The following GRID2 variants were observed in gnomAD, a reference collection of about 807,000 sequenced individuals.
GRID2 encodes the protein glutamate ionotropic receptor delta type subunit 2, also known as glutamate receptor ionotropic, delta-2.
A neutral mutation model predicts 114.8 loss-of-function variants in GRID2; 33 were observed. The ratio of observed to expected loss-of-function variants is 0.29; its 90% CI spans 0.22 to 0.38. The LOEUF is 0.38. Ranked by LOEUF, GRID2 falls within the 10% of genes least tolerant of loss-of-function variation. GRID2 has a pLI of 1.00. For synonymous variants in GRID2, 505 were observed against 449.9 expected (o/e 1.12, Z -1.55); for missense variants, 1,184 against 1,257.7 (o/e 0.94, Z 0.89).
chr4:93,262,631 G>A (rs1418584692), intron 8 of GRID2, among the ~76,000 whole-genome samples: 3 of 151,608 alleles, frequency 2.0e-5, no homozygotes, highest in South Asian at 4.2e-4. Flanking sequence ...AAAATCATTC[G>A]TAATCTTACT....
chr4:93,253,569 AC>A (rs1318597010), intron 8 of GRID2, among the ~76,000 whole-genome samples: 2 of 152,158 alleles, frequency 1.3e-5, no homozygotes, highest in Non-Finnish European at 2.9e-5. Flanking sequence ...AAAATTAGTA[AC>A]CATGTTGAAA....
intron 2 of GRID2, among the ~76,000 whole-genome samples, chr4:92,988,985 T>C (rs574137810): frequency 6.6e-6 from 1 of 152,068 alleles, no homozygotes; most frequent in East Asian, 1.9e-4. Flanking sequence ...TTTAAGTATA[T>C]ATAAAAATCC....
chr4:92,634,473 T>G (rs1560501608), intron 2 of GRID2, among the ~76,000 whole-genome samples: 1 of 152,126 alleles, frequency 6.6e-6, no homozygotes. Context: ...CTGTGTTTTA[T>G]TCACGTACAA....
intron 8 of GRID2, among the ~76,000 whole-genome samples, chr4:93,336,469 GT>G (rs1036214784): frequency 2.0e-5 from 3 of 152,090 alleles, no homozygotes; most frequent in African/African-American, 7.2e-5. Context: ...GGTTATTTAG[GT>G]TTTTTCCCAC....
chr4:93,198,763 G>A (rs1408997907), intron 4 of GRID2, among the ~76,000 whole-genome samples: 2 of 152,134 alleles, frequency 1.3e-5, no homozygotes, highest in African/African-American at 2.4e-5. Context: ...ACAAAGCAAA[G>A]CATGAAAGTC....
chr4:92,753,985 C>T (rs532750754), intron 2 of GRID2, among the ~76,000 whole-genome samples: 37 of 152,254 alleles, frequency 2.4e-4, no homozygotes, highest in African/African-American at 7.9e-4. Context: ...TATAGAAACT[C>T]CTTCAGTATT....
intron 1 of GRID2, among the ~76,000 whole-genome samples, chr4:92,471,196 TTC>T (rs1197696209): frequency 1.3e-5 from 2 of 152,042 alleles, no homozygotes; most frequent in Non-Finnish European, 2.9e-5. Context: ...TTAAACAACA[TTC>T]TGAGGTATTG....
At chr4:93,005,867 C>A (rs906752952) in intron 2 of GRID2, among the ~76,000 whole-genome samples, 1 of 152,058 alleles carries the variant, frequency 6.6e-6, no homozygotes, top group Non-Finnish European at 1.5e-5. Flanking sequence ...AGAAAACAAG[C>A]CTCCTACCTA....
intron 2 of GRID2, among the ~76,000 whole-genome samples, chr4:93,061,321 A>G (rs2149293183): frequency 6.6e-6 from 1 of 151,384 alleles, no homozygotes; most frequent in South Asian, 2.1e-4. Flanking sequence ...GCCAGCTCAG[A>G]TGGGCTTCAC....
chr4:92,848,998 T>A (rs1743554387), intron 2 of GRID2, among the ~76,000 whole-genome samples: 1 of 151,892 alleles, frequency 6.6e-6, no homozygotes, highest in Non-Finnish European at 1.5e-5. Context: ...AAATTTCTGT[T>A]ATCTAAGCCA....
chr4:93,635,932 C>T (rs1721373559), intron 14 of GRID2, among the ~76,000 whole-genome samples: 2 of 152,072 alleles, frequency 1.3e-5, no homozygotes, highest in Non-Finnish European at 2.9e-5. Flanking sequence ...TAAACCTTTA[C>T]TCTCAAGAAG....
intron 13 of GRID2, among the ~76,000 whole-genome samples, chr4:93,593,949 C>T (rs1006204543): frequency 6.6e-6 from 1 of 151,618 alleles, no homozygotes; most frequent in Non-Finnish European, 1.5e-5. Context: ...TCTAGTTATA[C>T]ATTCTTCTAA....
At chr4:92,331,780 A>C (rs990533823) in intron 1 of GRID2, among the ~76,000 whole-genome samples, 4 of 152,160 alleles carry the variant, frequency 2.6e-5, no homozygotes, top group Non-Finnish European at 1.5e-5. Context: ...ATTTCATTGG[A>C]CTTTTAGGCT....
At chr4:93,104,929 G>A (rs1257431149) in intron 3 of GRID2, among the ~76,000 whole-genome samples, 64 of 151,884 alleles carry the variant, frequency 4.2e-4, no homozygotes, top group Non-Finnish European at 8.4e-4. Flanking sequence ...CACCAACAGT[G>A]TAAAAGTGTT....
At chr4:93,314,274 A>G (rs1756336117) in intron 8 of GRID2, among the ~76,000 whole-genome samples, 1 of 137,212 alleles carries the variant, frequency 7.3e-6, no homozygotes, top group African/African-American at 2.8e-5. Context: ...ACCGCATTCC[A>G]GCCTGGGTGA....
At chr4:93,800,231 G>C (rs780290883) in intron 1 of GRID2, among the ~76,000 whole-genome samples, 5 of 152,208 alleles carry the variant, frequency 3.3e-5, no homozygotes, top group African/African-American at 7.2e-5. Flanking sequence ...TAGTGTGATA[G>C]CAGCAATCCT....
intron 2 of GRID2, among the ~76,000 whole-genome samples, chr4:92,653,540 C>G (rs1279758364): frequency 6.6e-6 from 1 of 151,912 alleles, no homozygotes; most frequent in Non-Finnish European, 1.5e-5. Context: ...CTTTAAGCCC[C>G]ATGAAAATAG....
chr4:92,748,913 C>G (rs1189116886), intron 2 of GRID2, among the ~76,000 whole-genome samples: 1 of 151,936 alleles, frequency 6.6e-6, no homozygotes, highest in Non-Finnish European at 1.5e-5. Flanking sequence ...ATCTGCCTAC[C>G]GCAGCCTCCC....
chr4:92,718,761 C>CAAAAA (rs3077559), intron 2 of GRID2, among the ~76,000 whole-genome samples: 20 of 41,712 alleles, frequency 4.8e-4, no homozygotes, highest in South Asian at 1.3e-3. Flanking sequence ...AGACCCTGTC[C>CAAAAA]AAAAAAAAAA....
Sources: allele counts gnomAD v4.1 joint callset (sites outside exome capture counted in the v4.1 genomes callset), GRCh38; gene constraint gnomAD v4.1.1; transcripts MANE v1.5; gene names NCBI Gene and HGNC (gene_info 2026-07-23, HGNC 2026-07-21).